The following CDKAL1 variants were observed in gnomAD, a reference collection of about 807,000 sequenced individuals.
CDKAL1 encodes the protein threonylcarbamoyladenosine tRNA methylthiotransferase.
Under a neutral mutation model 68.2 loss-of-function variants are expected in CDKAL1, and 32 were observed. That is an observed-to-expected ratio of 0.47 (90% CI 0.35 to 0.63). CDKAL1 has a LOEUF of 0.63. Ranked by LOEUF, CDKAL1 falls within the 30% of genes least tolerant of loss-of-function variation. The pLI is 0.00. For missense variants in CDKAL1, 606 were observed against 696.7 expected, an observed-to-expected ratio of 0.87 and a Z score of 1.47; for synonymous variants, 234 against 244.3, an observed-to-expected ratio of 0.96 and a Z score of 0.39.
intron 13 of CDKAL1, among the ~76,000 whole-genome samples, chr6:21,181,529 C>T (rs1239450979): frequency 2.6e-5 from 4 of 152,210 alleles, no homozygotes; most frequent in African/African-American, 4.8e-5. Flanking sequence ...GAGGCACTGG[C>T]ACCTTGATCT....
At chr6:21,147,512 G>A (rs1776237573) in intron 13 of CDKAL1, among the ~76,000 whole-genome samples, 1 of 152,142 alleles carries the variant, frequency 6.6e-6, no homozygotes, top group African/African-American at 2.4e-5. Flanking sequence ...TGTGTCCATT[G>A]TCCACTGTTA....
intron 5 of CDKAL1, among the ~76,000 whole-genome samples, chr6:20,656,570 T>C (rs867302452): frequency 6.6e-6 from 1 of 152,170 alleles, no homozygotes. Context: ...GATACTTTAC[T>C]GCTACTGATA....
chr6:20,549,291 G>A (rs1031520167), intron 4 of CDKAL1, among the ~76,000 whole-genome samples: 4 of 152,068 alleles, frequency 2.6e-5, no homozygotes, highest in Admixed American at 2.6e-4. Flanking sequence ...ATTAGAATGA[G>A]GTTCTGGGTT....
chr6:20,905,207 A>G (rs769534717), intron 9 of CDKAL1, among the ~76,000 whole-genome samples: 2 of 152,336 alleles, frequency 1.3e-5, no homozygotes, highest in East Asian at 1.9e-4. Flanking sequence ...AGTCAAGAAA[A>G]CAATGTATAA....
intron 8 of CDKAL1, among the ~76,000 whole-genome samples, chr6:20,805,545 T>C (rs1417789078): frequency 6.6e-6 from 1 of 152,240 alleles, no homozygotes; most frequent in Non-Finnish European, 1.5e-5. Flanking sequence ...TCAAATTAGA[T>C]GGCAAAGCGT....
Position 20,766,054 on chromosome 6 carries a change from G to A in CDKAL1, c.517+7411G>A, listed in dbSNP as rs142606149. ...TAAGGCTTTTAGAACACAAATGAAT[G>A]CCTAAATGAATCCCCCAAGTGGATT... On this transcript the variant is annotated intron_variant, in intron 7 of 15. Transcript: ENST00000274695. 7.5e-3 allele frequency among the ~76,000 whole-genome samples: 1,146 copies of A among 152,266 alleles called. 12 individuals carry two copies. Among genetic ancestry groups the A allele is most frequent in the Non-Finnish European group, 8.6e-3 (585 of 68,016 alleles).
At chr6:20,787,831 A>G (rs1270966146) in intron 8 of CDKAL1, among the ~76,000 whole-genome samples, 1 of 152,210 alleles carries the variant, frequency 6.6e-6, no homozygotes. Context: ...TAACGTCACT[A>G]CAGTGAGTTA....
At chr6:20,779,568 G>A (rs1775323186) in intron 7 of CDKAL1, among the ~76,000 whole-genome samples, 1 of 152,204 alleles carries the variant, frequency 6.6e-6, no homozygotes, top group Non-Finnish European at 1.5e-5. Context: ...TTCTAAAATT[G>A]AGTTATTGTG....
rs1562107744 is a variant in CDKAL1 at position 21,195,476 on chromosome 6, T to TA, written c.1300-2545_1300-2544insA. Among the ~76,000 whole-genome samples the TA allele has an allele frequency of 7.6e-3, 766 of 100,772 alleles. 11 individuals are homozygous for TA. The highest frequency in any genetic ancestry group is 0.013 in the African/African-American group (373 of 28,504). 66.1% of individuals were successfully genotyped at this position (100,772 alleles called of 152,430 possible). A position where few individuals can be genotyped will look rare whatever the true frequency, so the allele number is the denominator to read the frequency against. ...TCGTGCCTGGCCTCTGGAGATGTTT[T>TA]TTTTATTTATTTATTTATTTATTTA... On this transcript the variant is annotated intron_variant, in intron 13 of 15. Coordinates refer to ENST00000274695, the MANE Select transcript of CDKAL1 (RefSeq NM_017774.3).
chr6:20,646,985 T>G (rs1158049635), intron 4 of CDKAL1, among the ~76,000 whole-genome samples: 1 of 152,160 alleles, frequency 6.6e-6, no homozygotes, highest in Non-Finnish European at 1.5e-5. Flanking sequence ...CCTCAGGTGA[T>G]CCACCCGCCT....
At chr6:21,119,953 G>A (rs1774624016) in intron 13 of CDKAL1, among the ~76,000 whole-genome samples, 2 of 152,308 alleles carry the variant, frequency 1.3e-5, no homozygotes, top group African/African-American at 4.8e-5. Flanking sequence ...GTTGTTCAGG[G>A]AAGAGAGGCT....
intron 5 of CDKAL1, among the ~76,000 whole-genome samples, chr6:20,694,062 A>ATG (rs55981799): frequency 0.022 from 2,827 of 129,024 alleles, 74 homozygotes; most frequent in African/African-American, 0.064. Flanking sequence ...GTGTGTGTGT[A>ATG]TGTGTGTGTG....
intron 15 of CDKAL1, among the ~76,000 whole-genome samples, chr6:21,208,557 T>C (rs1269232277): frequency 1.3e-5 from 2 of 152,098 alleles, no homozygotes; most frequent in Non-Finnish European, 2.9e-5. Flanking sequence ...TGTTTCTTCC[T>C]ATTTTTCCTT....
At chr6:20,593,538 GC>G (rs774251654) in intron 4 of CDKAL1, among the ~76,000 whole-genome samples, 14 of 148,870 alleles carry the variant, frequency 9.4e-5, no homozygotes, top group Non-Finnish European at 1.6e-4. Flanking sequence ...ATTTTTTATT[GC>G]GTCTATTCGA....
Position 21,230,982 on chromosome 6 carries a change from C to A in CDKAL1, c.1683C>A (p.Ser561=). The A allele has an allele frequency of 6.2e-7, 1 of 1,613,264 alleles. No individual in the cohort carries two copies. The highest frequency in any genetic ancestry group is 1.1e-5 in the South Asian group (1 of 90,938). The change falls in exon 16 of 16, where the codon TCC becomes TCA. Residue 561 remains serine, a synonymous_variant. Transcript: ENST00000274695. ...RLHQDCALRM[S]VGLALLGLLF... ...ATCAAGACTGTGCGCTGAGGATGTC[C>A]GTGGGCTTGGCTCTGCTGGGTCTTC...
At chr6:21,180,503 C>T (rs1322141983) in intron 13 of CDKAL1, among the ~76,000 whole-genome samples, 1 of 152,058 alleles carries the variant, frequency 6.6e-6, no homozygotes, top group Non-Finnish European at 1.5e-5. Context: ...CTGTCTGGTC[C>T]CAATGGTAAT....
chr6:21,209,454 G>C (rs896882063), intron 15 of CDKAL1, among the ~76,000 whole-genome samples: 1 of 152,176 alleles, frequency 6.6e-6, no homozygotes, highest in African/African-American at 2.4e-5. Flanking sequence ...ATCCAGGAAC[G>C]GAATGAAATC....
At chr6:20,724,628 G>A (rs747650687) in intron 5 of CDKAL1, among the ~76,000 whole-genome samples, 1 of 152,124 alleles carries the variant, frequency 6.6e-6, no homozygotes, top group East Asian at 1.9e-4. Flanking sequence ...GAGCCTGGGG[G>A]GCGGAGGTTG....
intron 8 of CDKAL1, among the ~76,000 whole-genome samples, chr6:20,811,171 T>C (rs920205220): frequency 1.3e-5 from 2 of 152,188 alleles, no homozygotes; most frequent in African/African-American, 4.8e-5. Context: ...TGCTACCTTA[T>C]CAAGCAAAGA....
Sources: gnomAD v4.1 joint callset for allele counts (sites outside exome capture counted in the v4.1 genomes callset) on GRCh38, gnomAD v4.1.1 for gene constraint, MANE v1.5 for transcripts, NCBI Gene and HGNC (gene_info 2026-07-23, HGNC 2026-07-21) for gene names.